Variants in PLCE1 observed in about 807,000 individuals in gnomAD.
The protein encoded by PLCE1 is 1-phosphatidylinositol 4,5-bisphosphate phosphodiesterase epsilon-1.
Under a neutral mutation model 242.8 loss-of-function variants are expected in PLCE1, and 119 were observed. The observed-to-expected ratio is 0.49, with a 90% CI of 0.42 to 0.57. The LOEUF (loss-of-function observed/expected upper bound fraction) is 0.57, where lower values mean the gene tolerates loss of function less well. Ranked by LOEUF, PLCE1 falls within the 20% of genes least tolerant of loss-of-function variation. PLCE1 has a pLI of 0.00. For missense variants in PLCE1, 2,441 were observed against 2,788.8 expected, an observed-to-expected ratio of 0.88 and a Z score of 2.81; for synonymous variants, 945 against 1,017.4, an observed-to-expected ratio of 0.93 and a Z score of 1.35.
At chr10:94,326,600 T>C (rs1564901738) in intron 32 of PLCE1, among the ~76,000 whole-genome samples, 1 of 152,188 alleles carries the variant, frequency 6.6e-6, no homozygotes, top group Non-Finnish European at 1.5e-5. Context: ...CAAGATTACT[T>C]CTTAAGTACA....
At chr10:94,264,047 T>C (rs1193584094) in intron 14 of PLCE1, among the ~76,000 whole-genome samples, 2 of 152,150 alleles carry the variant, frequency 1.3e-5, no homozygotes, top group African/African-American at 2.4e-5. Flanking sequence ...AAGATAAAAG[T>C]TCTGGTCCTC....
Position 94,325,101 on chromosome 10 carries a change from C to A in PLCE1, c.*21C>A. 1 of 1,607,894 alleles carries A rather than the reference C, an allele frequency of 6.2e-7. No homozygotes were observed. The highest frequency in any genetic ancestry group is 8.5e-7 in the Non-Finnish European group (1 of 1,174,504). On this transcript the variant is annotated 3_prime_UTR_variant, in exon 32 of 33. Coordinates refer to ENST00000371380, the MANE Select transcript of PLCE1 (RefSeq NM_016341.4). The stretch of plus-strand genomic sequence containing the variant: ...AGTGACTAAGGGCAGCATGTTTAAC[C>A]CAGGTATAGTAAGTCATTGCACCAT...
chr10:94,150,888 T>C (rs572243390), intron 3 of PLCE1, among the ~76,000 whole-genome samples: 163 of 152,262 alleles, frequency 1.1e-3, no homozygotes, highest in African/African-American at 3.7e-3. Context: ...GCAGCCCTGA[T>C]TTGCACAGTG....
intron 30 of PLCE1, 25 bp downstream of exon 30, chr10:94,322,084 T>C (rs1340043765): frequency 5.6e-6 from 9 of 1,607,426 alleles, no homozygotes; most frequent in Non-Finnish European, 7.7e-6. Context: ...CTTCCTCACC[T>C]GAGTCCTTTC....
rs770001198 is a variant in PLCE1 at position 94,245,959 on chromosome 10, G to T, written c.2434G>T (p.Asp812Tyr). ...TCTTTCCTTAAGGTTTATAATTGGA[G>T]ATTTGTTGGATTCAGACAATGACAT... ...DKSRWQFIIGDLLDSDNDIFE... is the reference protein window; with the variant it reads ...DKSRWQFIIGYLLDSDNDIFE... The change falls in exon 8 of 33, where the codon GAT becomes TAT. Residue 812 changes from aspartate (D) to tyrosine (Y), a missense_variant. Around this residue, in one of 5 missense-constraint regions of PLCE1, gnomAD observed 733 missense variants for 754.2 expected, o/e 0.97. Transcript: ENST00000371380. 6.2e-7 allele frequency: 1 copy of T among 1,613,848 alleles called. No individual in the cohort carries two copies. The highest frequency in any genetic ancestry group is 8.5e-7 in the Non-Finnish European group (1 of 1,179,866).
At chr10:94,215,132 C>T (rs2049476172) in intron 4 of PLCE1, among the ~76,000 whole-genome samples, 1 of 152,112 alleles carries the variant, frequency 6.6e-6, no homozygotes, top group Non-Finnish European at 1.5e-5. Flanking sequence ...CAACACTAGC[C>T]TTCTGAGCCT....
chr10:94,285,915 A>G (rs1297399750), intron 22 of PLCE1, among the ~76,000 whole-genome samples: 1 of 152,200 alleles, frequency 6.6e-6, no homozygotes, highest in Non-Finnish European at 1.5e-5. Flanking sequence ...AATGAATGGT[A>G]GACCTATGGC....
rs1366282160 is a variant in PLCE1, at chr10:94,265,677, C to G, written c.4084C>G (p.Gln1362Glu). The change falls in exon 15 of 33, where the codon CAG (glutamine) becomes GAG (glutamate). Residue 1362 changes from glutamine to glutamate, a missense_variant. Gln to Glu is a conservative substitution (Grantham distance 29, BLOSUM62 2). Transcript: ENST00000371380. ...KFEPSISMCH[Q>E]GLMSFEGFAR... ...CGAGCCTAGCATCAGTATGTGTCAT[C>G]AGGGACTAATGTCATTTGAAGGGTT... 3 of 1,613,662 alleles carry G rather than the reference C, an allele frequency of 1.9e-6. No individual in the cohort carries two copies. The highest frequency in any genetic ancestry group is 2.7e-5 in the African/African-American group (2 of 74,808).
At chr10:94,285,774 G>A (rs2052421938) in intron 22 of PLCE1, among the ~76,000 whole-genome samples, 1 of 152,192 alleles carries the variant, frequency 6.6e-6, no homozygotes, top group Non-Finnish European at 1.5e-5. Flanking sequence ...TGGGTAGCAA[G>A]GCCCCACCCA....
intron 4 of PLCE1, among the ~76,000 whole-genome samples, chr10:94,201,186 C>A (rs1334147219): frequency 6.6e-6 from 1 of 152,152 alleles, no homozygotes; most frequent in African/African-American, 2.4e-5. Flanking sequence ...TATGGGAATT[C>A]TCTGTACTAT....
At chr10:94,086,729 G>A (rs558488809) in intron 2 of PLCE1, among the ~76,000 whole-genome samples, 1 of 152,338 alleles carries the variant, frequency 6.6e-6, no homozygotes, top group South Asian at 2.1e-4. Flanking sequence ...AGTAACAGGA[G>A]CACTGTTGGA....
intron 4 of PLCE1, among the ~76,000 whole-genome samples, chr10:94,214,189 A>G (rs1358125119): frequency 6.6e-6 from 1 of 152,210 alleles, no homozygotes; most frequent in Non-Finnish European, 1.5e-5. Flanking sequence ...AGCCAACTCC[A>G]TGTTGGTGCT....
At chr10:94,106,722 C>T (rs1251765999) in intron 2 of PLCE1, among the ~76,000 whole-genome samples, 1 of 152,128 alleles carries the variant, frequency 6.6e-6, no homozygotes, top group African/African-American at 2.4e-5. Flanking sequence ...TTTTCCTCTG[C>T]ACACAAATTT....
intron 7 of PLCE1, among the ~76,000 whole-genome samples, chr10:94,241,247 G>A (rs1589404531): frequency 6.6e-6 from 1 of 152,086 alleles, no homozygotes; most frequent in African/African-American, 2.4e-5. Flanking sequence ...CTCCAGAAAA[G>A]CCTTATAATT....
At chr10:94,304,151 A>G (rs2053127899) in intron 24 of PLCE1, among the ~76,000 whole-genome samples, 1 of 152,196 alleles carries the variant, frequency 6.6e-6, no homozygotes. Context: ...GTATTTCACA[A>G]GATTTTTCAG....
intron 28 of PLCE1, among the ~76,000 whole-genome samples, chr10:94,313,966 G>A (rs999711361): frequency 2.6e-5 from 4 of 152,086 alleles, no homozygotes; most frequent in African/African-American, 7.2e-5. Flanking sequence ...TCTCCTTTTG[G>A]TGGTAGCAAG....
At chr10:94,035,558 C>G (rs1177464617) in intron 2 of PLCE1, among the ~76,000 whole-genome samples, 2 of 152,164 alleles carry the variant, frequency 1.3e-5, no homozygotes, top group African/African-American at 4.8e-5. Context: ...CTTTTATCCC[C>G]TTGGTCTGAG....
chr10:94,110,438 T>A (rs2045920644), intron 2 of PLCE1, among the ~76,000 whole-genome samples: 1 of 152,134 alleles, frequency 6.6e-6, no homozygotes. Flanking sequence ...AATATGTGTA[T>A]CACAACAGCT....
intron 3 of PLCE1, among the ~76,000 whole-genome samples, chr10:94,151,266 C>T (rs1380548080): frequency 1.3e-5 from 2 of 152,142 alleles, no homozygotes; most frequent in Admixed American, 1.3e-4. Flanking sequence ...ATAAGGACTC[C>T]CCTTGGTCTT....
Sources: gnomAD v4.1 joint callset for allele counts (sites outside exome capture counted in the v4.1 genomes callset) on GRCh38, gnomAD v4.1.1 for gene constraint, gnomAD v4.1.1 regional missense constraint, MANE v1.5 for transcripts, NCBI Gene and HGNC (gene_info 2026-07-23, HGNC 2026-07-21) for gene names.